DNAJC13: variants seen among roughly 807,000 people sequenced by gnomAD.
DNAJC13 encodes the protein dnaJ homolog subfamily C member 13.
Under a neutral mutation model 290.5 loss-of-function variants are expected in DNAJC13, and 75 were observed. The observed-to-expected ratio is 0.26, with a 90% CI of 0.21 to 0.31. The LOEUF (loss-of-function observed/expected upper bound fraction) is 0.31. Among genes scored for constraint, DNAJC13 ranks in the 10% least tolerant of loss-of-function variants. DNAJC13 has a pLI of 1.00. For missense variants in DNAJC13, 2,260 were observed against 2,674.5 expected (o/e 0.85, Z 3.42); for synonymous variants, 862 against 892.0 (o/e 0.97, Z 0.60).
At chr3:132,458,094 C>A (rs933055722) in intron 13 of DNAJC13, 11 of 151,940 alleles carry the variant, frequency 7.2e-5, no homozygotes, top group Non-Finnish European at 7.4e-5. Context: ...CAAATTGTCA[C>A]GTAAGAAATG....
chr3:132,527,103 CAAA>C (rs1256780864), intron 53 of DNAJC13, among the ~76,000 whole-genome samples: 2 of 151,952 alleles, frequency 1.3e-5, no homozygotes, highest in Admixed American at 6.6e-5. Flanking sequence ...AATGTTTCCA[CAAA>C]AAAATAAGTA....
At chr3:132,485,895 C>CA (rs2107701715) in intron 29 of DNAJC13, among the ~76,000 whole-genome samples, 1 of 152,010 alleles carries the variant, frequency 6.6e-6, no homozygotes, top group East Asian at 1.9e-4. Context: ...ACATTTCAGG[C>CA]AAATGTTTCT....
intron 54 of DNAJC13, among the ~76,000 whole-genome samples, chr3:132,530,305 G>C (rs1354498623): frequency 2.0e-5 from 3 of 152,150 alleles, no homozygotes; most frequent in African/African-American, 7.2e-5. Flanking sequence ...CCACATAAGA[G>C]GTGCTCAGTA....
chr3:132,490,712 G>T (rs1168505792), intron 31 of DNAJC13, among the ~76,000 whole-genome samples, 185 bp from the exon 32 acceptor site: 1 of 152,180 alleles, frequency 6.6e-6, no homozygotes, highest in East Asian at 1.9e-4. Context: ...TGCCAAGCCA[G>T]TTTGTACCAG....
intron 20 of DNAJC13, 87 bp downstream of exon 20, chr3:132,467,400 A>T: frequency 7.3e-7 from 1 of 1,372,614 alleles, no homozygotes. Flanking sequence ...GATGGTATCG[A>T]TACATTTCTT....
chr3:132,493,167 G>A (rs1229443401), intron 33 of DNAJC13, among the ~76,000 whole-genome samples: 3 of 149,382 alleles, frequency 2.0e-5, no homozygotes, highest in Admixed American at 6.7e-5. Context: ...GGCAATGAGT[G>A]CGACCTGCTC....
At chr3:132,491,671 C>G (rs1295955569) in intron 32 of DNAJC13, among the ~76,000 whole-genome samples, 1 of 152,116 alleles carries the variant, frequency 6.6e-6, no homozygotes, top group Non-Finnish European at 1.5e-5. Flanking sequence ...CTTGATACTT[C>G]ATATTTCCAG....
At chr3:132,465,670 T>A (rs1349282452) in intron 17 of DNAJC13, among the ~76,000 whole-genome samples, 2 of 152,094 alleles carry the variant, frequency 1.3e-5, no homozygotes, top group African/African-American at 4.8e-5. Context: ...AACAAATTAA[T>A]TGTGTCATCA....
At chr3:132,524,344 A>G (rs938534600) in intron 51 of DNAJC13, among the ~76,000 whole-genome samples, 3 of 152,242 alleles carry the variant, frequency 2.0e-5, no homozygotes, top group East Asian at 1.9e-4. Context: ...TTGTTTAAAC[A>G]GGCTGGCTAC....
chr3:132,499,345 G>A, intron 37 of DNAJC13, 35 bp downstream of exon 37: 1 of 1,517,392 alleles, frequency 6.6e-7, no homozygotes. Context: ...TTTTAAGCCA[G>A]TTTACACACA....
intron 36 of DNAJC13, among the ~76,000 whole-genome samples, chr3:132,498,101 T>C (rs1333783187): frequency 1.3e-5 from 2 of 152,248 alleles, no homozygotes; most frequent in African/African-American, 2.4e-5. Flanking sequence ...CATGTAGGTT[T>C]ACTAGCTTTC....
chr3:132,506,493 T>C (rs1935594754), intron 42 of DNAJC13, among the ~76,000 whole-genome samples: 1 of 151,820 alleles, frequency 6.6e-6, no homozygotes, highest in Admixed American at 6.6e-5. Flanking sequence ...TGGGACTGTT[T>C]TTCTCCCATT....
intron 1 of DNAJC13, among the ~76,000 whole-genome samples, chr3:132,424,082 C>A (rs979045351): frequency 6.6e-6 from 1 of 151,986 alleles, no homozygotes; most frequent in African/African-American, 2.4e-5. Flanking sequence ...GAAATTAGGT[C>A]TATAAAGTTA....
intron 42 of DNAJC13, 97 bp from the exon 43 acceptor site, chr3:132,507,140 A>C: frequency 1.3e-6 from 1 of 753,336 alleles, no homozygotes; most frequent in Admixed American, 2.5e-5. Flanking sequence ...TTTCTCTAGA[A>C]TATGCATAGA....
intron 42 of DNAJC13, among the ~76,000 whole-genome samples, chr3:132,506,045 C>T (rs1028770405): frequency 1.8e-3 from 133 of 72,610 alleles, no homozygotes; most frequent in South Asian, 6.2e-3. Context: ...TGTACATTAT[C>T]TTTTTTTTTT....
intron 36 of DNAJC13, among the ~76,000 whole-genome samples, chr3:132,498,449 C>G (rs966154116): frequency 1.3e-5 from 2 of 152,022 alleles, no homozygotes; most frequent in African/African-American, 4.8e-5. Context: ...ACCTTGCGTT[C>G]TGTGATGAGG....
At chr3:132,496,721 C>A in intron 36 of DNAJC13, 58 bp downstream of exon 36, 8 of 1,398,504 alleles carry the variant, frequency 5.7e-6, no homozygotes, top group Non-Finnish European at 7.6e-6. Context: ...TCACAGCTAA[C>A]CCTATACCAT....
intron 20 of DNAJC13, among the ~76,000 whole-genome samples, chr3:132,468,297 T>C: frequency 6.6e-6 from 1 of 152,210 alleles, no homozygotes; most frequent in East Asian, 1.9e-4. Flanking sequence ...TCTCCTTACT[T>C]ATGGTAGCTA....
At chr3:132,460,021 A>G (rs1413746848) in intron 13 of DNAJC13, among the ~76,000 whole-genome samples, 3 of 152,150 alleles carry the variant, frequency 2.0e-5, no homozygotes, top group Non-Finnish European at 4.4e-5. Flanking sequence ...TACCTTTTGT[A>G]TATGTTGAGT....
Sources: allele counts gnomAD v4.1 joint callset (sites outside exome capture counted in the v4.1 genomes callset), GRCh38; gene constraint gnomAD v4.1.1; transcripts MANE v1.5; gene names NCBI Gene and HGNC (gene_info 2026-07-23, HGNC 2026-07-21).